Variants in PCDH17 observed in about 807,000 individuals in gnomAD.
PCDH17 encodes the protein protocadherin-17.
In PCDH17, 21 loss-of-function variants were observed where a neutral mutation model predicts 67.7. The ratio of observed to expected loss-of-function variants is 0.31; its 90% CI spans 0.22 to 0.45. PCDH17 has a LOEUF of 0.45. Ranked by LOEUF, PCDH17 falls within the 20% of genes least tolerant of loss-of-function variation. PCDH17 has a pLI of 1.00. For synonymous variants in PCDH17, 701 were observed against 656.7 expected (o/e 1.07, Z -1.03); for missense variants, 1,471 against 1,564.8 (o/e 0.94, Z 1.01).
rs1250042443 is a variant in PCDH17 at position 57,727,641 on chromosome 13, A to G, written c.*2347A>G. On this transcript the variant is annotated 3_prime_UTR_variant, in exon 4 of 4. Transcript: ENST00000377918. ...CTCATAAATGTTTAAATTAGAAAAG[A>G]AGGGACCTTGTACATGTGAAACCTA... 6.6e-6 allele frequency: 1 copy of G among 152,142 alleles called. No individual in the cohort carries two copies. Among genetic ancestry groups the G allele is most frequent in the Non-Finnish European group, 1.5e-5 (1 of 68,004 alleles). The allele number at this position is 152,142 out of a possible 1,614,324, so 9.4% of individuals were successfully genotyped here.
intron 3 of PCDH17, among the ~76,000 whole-genome samples, chr13:57,708,429 G>C (rs1168123924): frequency 6.6e-6 from 1 of 151,900 alleles, no homozygotes; most frequent in Non-Finnish European, 1.5e-5. Flanking sequence ...GTAATTTCTA[G>C]ATTATTCTTT....
At chr13:57,638,754 A>T (rs532064400) in intron 1 of PCDH17, among the ~76,000 whole-genome samples, 2 of 152,150 alleles carry the variant, frequency 1.3e-5, no homozygotes, top group East Asian at 3.9e-4. Flanking sequence ...GGACTAACGT[A>T]TCATAGTGTA....
chr13:57,654,330 T>A (rs1007227987), intron 1 of PCDH17, among the ~76,000 whole-genome samples: 8 of 152,030 alleles, frequency 5.3e-5, no homozygotes, highest in Admixed American at 2.6e-4. Flanking sequence ...TAAAACTTTA[T>A]TTTCAAAAAC....
intron 3 of PCDH17, among the ~76,000 whole-genome samples, chr13:57,705,627 A>ATC (rs1955714133): frequency 6.6e-6 from 1 of 152,312 alleles, no homozygotes; most frequent in African/African-American, 2.4e-5. Flanking sequence ...AAGTAAATTT[A>ATC]TCCCTGGAGA....
chr13:57,717,467 A>G (rs1163234861), intron 3 of PCDH17, among the ~76,000 whole-genome samples: 8 of 152,022 alleles, frequency 5.3e-5, no homozygotes, highest in Admixed American at 3.3e-4. Flanking sequence ...TAAACATTTT[A>G]CTATGTCCAA....
At chr13:57,650,851 T>C (rs1955028129) in intron 1 of PCDH17, among the ~76,000 whole-genome samples, 1 of 152,174 alleles carries the variant, frequency 6.6e-6, no homozygotes, top group African/African-American at 2.4e-5. Flanking sequence ...CAATTCTTCC[T>C]TTCCAATTCT....
At chr13:57,666,260 T>G (rs1955252071) in intron 1 of PCDH17, among the ~76,000 whole-genome samples, 1 of 152,188 alleles carries the variant, frequency 6.6e-6, no homozygotes, top group Admixed American at 6.6e-5. Context: ...ATTGTTTACT[T>G]TAACAGGTAA....
intron 3 of PCDH17, among the ~76,000 whole-genome samples, chr13:57,693,338 A>ATATATATATATATATT (rs1401987726): frequency 7.0e-5 from 10 of 142,124 alleles, no homozygotes; most frequent in African/African-American, 2.3e-4. Context: ...ATATATATAT[A>ATATATATATATATATT]TATATATCAA....
At chr13:57,658,719 G>C (rs1003979311) in intron 1 of PCDH17, among the ~76,000 whole-genome samples, 2 of 152,136 alleles carry the variant, frequency 1.3e-5, no homozygotes, top group African/African-American at 4.8e-5. Context: ...TAAAGAGATA[G>C]AGAAAGCCAA....
At chr13:57,684,911 T>C (rs2138053483) in intron 3 of PCDH17, among the ~76,000 whole-genome samples, 1 of 152,090 alleles carries the variant, frequency 6.6e-6, no homozygotes, top group South Asian at 2.1e-4. Flanking sequence ...TCTTCTAACA[T>C]AACCAAATTT....
chr13:57,701,597 T>A (rs1249713193), intron 3 of PCDH17, among the ~76,000 whole-genome samples: 1 of 152,130 alleles, frequency 6.6e-6, no homozygotes, highest in Admixed American at 6.6e-5. Flanking sequence ...ATGCTTACAA[T>A]TATTTTTCAT....
chr13:57,693,766 CA>C (rs1050290214), intron 3 of PCDH17, among the ~76,000 whole-genome samples: 9 of 150,868 alleles, frequency 6.0e-5, no homozygotes, highest in African/African-American at 2.2e-4. Flanking sequence ...ATTTTTCTCA[CA>C]TTTTATAATC....
chr13:57,692,073 T>C (rs1265553429), intron 3 of PCDH17, among the ~76,000 whole-genome samples: 1 of 151,200 alleles, frequency 6.6e-6, no homozygotes, highest in Non-Finnish European at 1.5e-5. Flanking sequence ...TTCAACTCGA[T>C]AATGTTTCAT....
intron 3 of PCDH17, among the ~76,000 whole-genome samples, chr13:57,691,634 A>G (rs189919814): frequency 6.6e-6 from 1 of 151,494 alleles, no homozygotes; most frequent in Admixed American, 6.6e-5. Context: ...TAGTATGTGT[A>G]CACATCAATT....
intron 3 of PCDH17, among the ~76,000 whole-genome samples, chr13:57,678,801 A>G (rs899904286): frequency 6.6e-6 from 1 of 151,644 alleles, no homozygotes; most frequent in African/African-American, 2.4e-5. Context: ...AAATATTTTA[A>G]CATGTTAAAA....
chr13:57,693,705 G>A (rs1470373016), intron 3 of PCDH17, among the ~76,000 whole-genome samples: 1 of 150,568 alleles, frequency 6.6e-6, no homozygotes, highest in Non-Finnish European at 1.5e-5. Flanking sequence ...TTATTACACA[G>A]CATTTCAGTC....
intron 1 of PCDH17, among the ~76,000 whole-genome samples, chr13:57,638,979 CA>C (rs1954858822): frequency 6.6e-6 from 1 of 151,948 alleles, no homozygotes; most frequent in Non-Finnish European, 1.5e-5. Flanking sequence ...AGTGCGTGAA[CA>C]ATTTATTTTG....
In PCDH17 at chr13:57,632,796, C is replaced by A; in HGVS notation, c.250C>A (p.Leu84Ile). ...GGACGTGGACGCAGACAGCGGGCTC[C>A]TCTACACCAAGCAGCGCATCGACCG... The part of the protein sequence containing the change: ...LLDVDADSGL[L>I]YTKQRIDRES... The change falls in exon 1 of 4, where the codon CTC becomes ATC. Residue 84 changes from leucine (L) to isoleucine (I), a missense_variant. Leu to Ile is a conservative substitution (Grantham distance 5, BLOSUM62 2). Coordinates refer to ENST00000377918, the MANE Select transcript of PCDH17 (RefSeq NM_001040429.3). 1 of 1,613,448 alleles carries A rather than the reference C, an allele frequency of 6.2e-7. No individual in the cohort carries two copies. Among genetic ancestry groups the A allele is most frequent in the Non-Finnish European group, 8.5e-7 (1 of 1,179,966 alleles).
chr13:57,701,866 T>A (rs1013950632), intron 3 of PCDH17, among the ~76,000 whole-genome samples: 6 of 152,164 alleles, frequency 3.9e-5, no homozygotes, highest in Admixed American at 3.9e-4. Flanking sequence ...GAAGTTTTAT[T>A]TTAAGTGTAT....
Sources: gnomAD v4.1 joint callset for allele counts (sites outside exome capture counted in the v4.1 genomes callset) on GRCh38, gnomAD v4.1.1 for gene constraint, MANE v1.5 for transcripts, NCBI Gene and HGNC (gene_info 2026-07-23, HGNC 2026-07-21) for gene names.